ANKIB1: variants seen among roughly 807,000 people sequenced by gnomAD.
The protein encoded by ANKIB1 is ankyrin repeat and IBR domain containing 1, also known as ankyrin repeat and IBR domain-containing protein 1.
Under a neutral mutation model 122.1 loss-of-function variants are expected in ANKIB1, and 43 were observed. The ratio of observed to expected loss-of-function variants is 0.35; its 90% CI spans 0.28 to 0.45. The LOEUF (loss-of-function observed/expected upper bound fraction) is 0.45, where lower values mean the gene tolerates loss of function less well. ANKIB1 is among the 20% of genes least tolerant of loss of function. The pLI, the probability that ANKIB1 is intolerant of heterozygous loss-of-function variation, is 1.00. For synonymous variants in ANKIB1, 390 were observed against 442.0 expected, an observed-to-expected ratio of 0.88 and a Z score of 1.48; for missense variants, 992 against 1,329.5, an observed-to-expected ratio of 0.75 and a Z score of 3.95.
At chr7:92,251,040 A>G (rs1016743226) in intron 1 of ANKIB1, among the ~76,000 whole-genome samples, 8 of 152,210 alleles carry the variant, frequency 5.3e-5, no homozygotes, top group African/African-American at 1.9e-4. Flanking sequence ...TTCTGTCTTC[A>G]GTCTGACATA....
Position 92,397,803 on chromosome 7 carries a change from T to C in ANKIB1, c.2476T>C (p.Ser826Pro), listed in dbSNP as rs1257953787. ...SSASMSVLHSSSLRDYTPASR... is the reference protein window; with the variant it reads ...SSASMSVLHSPSLRDYTPASR... Reference sequence around the variant, plus strand: ...TGCATCTATGAGTGTGCTGCACAGCTCTTCCCTGCGTGACTACACCCCTGC... The same window carrying C: ...TGCATCTATGAGTGTGCTGCACAGCCCTTCCCTGCGTGACTACACCCCTGC... Residue 826 changes from serine (S) to proline (P), a missense_variant, in exon 19 of 20, where the codon TCT (serine) becomes CCT (proline). This residue lies in a region of ANKIB1 where 384 missense variants were observed against 412.0 expected (regional missense o/e 0.93). Transcript: ENST00000265742. The C allele has an allele frequency of 6.2e-7, 1 of 1,606,652 alleles. No individual in the cohort carries two copies.
intron 17 of ANKIB1, 50 bp downstream of exon 17, chr7:92,392,342 G>A (rs762787850): frequency 1.1e-5 from 17 of 1,506,486 alleles, no homozygotes; most frequent in East Asian, 2.3e-5. Flanking sequence ...TAGTGCAGTC[G>A]TGCTTGCATT....
At chr7:92,388,755 G>A (rs1481481239) in intron 14 of ANKIB1, among the ~76,000 whole-genome samples, 2 of 152,186 alleles carry the variant, frequency 1.3e-5, no homozygotes, top group Non-Finnish European at 2.9e-5. Flanking sequence ...GGTTGCTCCA[G>A]TTTATCAAAA....
chr7:92,305,105 C>A (rs1408073444), intron 2 of ANKIB1, among the ~76,000 whole-genome samples: 1 of 152,142 alleles, frequency 6.6e-6, no homozygotes, highest in Non-Finnish European at 1.5e-5. Context: ...TTTTTCTGTT[C>A]AAAGTAACAC....
chr7:92,264,484 G>A (rs943775435), intron 1 of ANKIB1, among the ~76,000 whole-genome samples: 4 of 151,762 alleles, frequency 2.6e-5, no homozygotes, highest in African/African-American at 7.3e-5. Flanking sequence ...CACAACCTCC[G>A]CCTCCCAGCT....
chr7:92,363,746 A>T (rs1418933913), intron 10 of ANKIB1, among the ~76,000 whole-genome samples: 1 of 152,144 alleles, frequency 6.6e-6, no homozygotes, highest in African/African-American at 2.4e-5. Flanking sequence ...ATATCAGGGG[A>T]TTTACCACTG....
intron 11 of ANKIB1, 45 bp downstream of exon 11, chr7:92,371,652 T>G (rs1301715816): frequency 6.4e-7 from 1 of 1,558,092 alleles, no homozygotes; most frequent in Admixed American, 1.9e-5. Flanking sequence ...TTTGGAATCT[T>G]AATTTAGTTT....
intron 4 of ANKIB1, among the ~76,000 whole-genome samples, chr7:92,326,475 A>G (rs1437964249): frequency 6.6e-6 from 1 of 152,210 alleles, no homozygotes; most frequent in Non-Finnish European, 1.5e-5. Context: ...ATATAAGACC[A>G]GGAAATACAC....
chr7:92,386,094 G>T (rs1409771886), intron 11 of ANKIB1, among the ~76,000 whole-genome samples: 1 of 152,160 alleles, frequency 6.6e-6, no homozygotes, highest in Non-Finnish European at 1.5e-5. Context: ...GTTCCACTTA[G>T]AGGTCTTTTA....
At chr7:92,365,618 C>T (rs964654640) in intron 10 of ANKIB1, among the ~76,000 whole-genome samples, 1 of 151,796 alleles carries the variant, frequency 6.6e-6, no homozygotes, top group Admixed American at 6.6e-5. Context: ...TTACAAAGAT[C>T]ACTCAGGCAG....
intron 3 of ANKIB1, among the ~76,000 whole-genome samples, chr7:92,312,255 T>G (rs915202699): frequency 6.6e-6 from 1 of 152,222 alleles, no homozygotes; most frequent in Non-Finnish European, 1.5e-5. Flanking sequence ...GTTTCACAAA[T>G]TAATTATTCT....
intron 1 of ANKIB1, among the ~76,000 whole-genome samples, chr7:92,287,326 A>G (rs966991880): frequency 1.3e-5 from 2 of 152,210 alleles, no homozygotes; most frequent in African/African-American, 4.8e-5. Context: ...TTTAAACTGC[A>G]AACAGTTGTG....
intron 2 of ANKIB1, among the ~76,000 whole-genome samples, chr7:92,302,229 C>T (rs1028259442): frequency 4.6e-5 from 7 of 152,118 alleles, no homozygotes; most frequent in East Asian, 1.9e-4. Flanking sequence ...ACACTGCATC[C>T]GGCCTAGATT....
At chr7:92,246,911 A>T (rs1201504677) in intron 1 of ANKIB1, among the ~76,000 whole-genome samples, 2 of 152,182 alleles carry the variant, frequency 1.3e-5, no homozygotes, top group East Asian at 1.9e-4. Flanking sequence ...CGGATGGGTA[A>T]AAGTGCTCTG....
chr7:92,371,583 C>T lies in ANKIB1; in HGVS notation c.1593C>T (p.Gly531=). Residue 531 remains glycine, a synonymous_variant, in exon 11 of 20, where the codon GGC becomes GGT. Transcript: ENST00000265742. ...NCKSPIQKNE[G]CNHMQCAKCK... ...AGTCTCCAATACAGAAGAATGAAGGCTGCAATCACATGCAGTGTGCTAAGG... is the reference window on the plus strand; with the variant it reads ...AGTCTCCAATACAGAAGAATGAAGGTTGCAATCACATGCAGTGTGCTAAGG... The T allele has an allele frequency of 6.2e-7, 1 of 1,604,586 alleles. No homozygotes were observed. Among genetic ancestry groups the T allele is most frequent in the South Asian group, 1.1e-5 (1 of 89,090 alleles).
At chr7:92,271,741 A>G (rs1801798431) in intron 1 of ANKIB1, among the ~76,000 whole-genome samples, 1 of 152,214 alleles carries the variant, frequency 6.6e-6, no homozygotes, top group Non-Finnish European at 1.5e-5. Context: ...TTCGGAAGAT[A>G]AAGTTAGGGA....
intron 1 of ANKIB1, chr7:92,294,621 A>G (rs1802314282): frequency 1.8e-5 from 6 of 335,200 alleles, no homozygotes; most frequent in African/African-American, 1.1e-4. Context: ...AAAGTTTTAT[A>G]TATAGATAAT....
rs186428275 is a variant in ANKIB1, at chr7:92,331,090, C to T, written c.787+3190C>T. On this transcript the variant is annotated intron_variant, in intron 5 of 19. Transcript: ENST00000265742. Reference sequence around the variant, plus strand: ...GCTGTTCATCAGTGGGGAGCCACTGCGTCATAGTTGTACTGGTTAGGGTAG... The same window carrying T: ...GCTGTTCATCAGTGGGGAGCCACTGTGTCATAGTTGTACTGGTTAGGGTAG... 3.9e-5 allele frequency among the ~76,000 whole-genome samples: 6 copies of T among 152,072 alleles called. No individual in the cohort carries two copies. In the East Asian group the frequency reaches 5.8e-4, roughly 15 times the overall value.
chr7:92,329,155 A>G (rs1307371678), intron 5 of ANKIB1, among the ~76,000 whole-genome samples: 1 of 151,846 alleles, frequency 6.6e-6, no homozygotes, highest in African/African-American at 2.4e-5. Flanking sequence ...TTTAGTAGAG[A>G]CAAGGTTCCA....
Sources: gnomAD v4.1 joint callset for allele counts (sites outside exome capture counted in the v4.1 genomes callset) on GRCh38, gnomAD v4.1.1 for gene constraint, gnomAD v4.1.1 regional missense constraint, MANE v1.5 for transcripts, NCBI Gene and HGNC (gene_info 2026-07-23, HGNC 2026-07-21) for gene names.